Variants in FSTL4 observed in about 807,000 individuals in gnomAD.
The protein encoded by FSTL4 is follistatin-related protein 4.
FSTL4 carries 28 observed loss-of-function variants against 78.2 expected under a neutral mutation model. The ratio of observed to expected loss-of-function variants is 0.36; its 90% CI spans 0.27 to 0.49. FSTL4 has a LOEUF of 0.49. Ranked by LOEUF, FSTL4 falls within the 20% of genes least tolerant of loss-of-function variation. FSTL4 has a pLI of 0.98. For synonymous variants in FSTL4, 422 were observed against 440.5 expected (o/e 0.96, Z 0.53); for missense variants, 922 against 1,084.9 (o/e 0.85, Z 2.11).
chr5:133,564,164 T>C (rs1759978364), intron 3 of FSTL4, among the ~76,000 whole-genome samples: 1 of 152,170 alleles, frequency 6.6e-6, no homozygotes, highest in Non-Finnish European at 1.5e-5. Context: ...TCCCTTTTCT[T>C]GTAAGGACCT....
At chr5:133,780,259 G>A in the FSTL4 span, among the ~76,000 whole-genome samples, 7 of 152,190 alleles carry the variant, frequency 4.6e-5, no homozygotes, top group Admixed American at 2.0e-4. Flanking sequence ...AGCAGGGGAC[G>A]CAGACACGTG....
chr5:133,302,898 T>C (rs1340518115), intron 6 of FSTL4, among the ~76,000 whole-genome samples: 1 of 152,258 alleles, frequency 6.6e-6, no homozygotes, highest in African/African-American at 2.4e-5. Context: ...TCTTTAATCC[T>C]GGTGACAAAT....
At chr5:133,776,891 T>A in the FSTL4 span, among the ~76,000 whole-genome samples, 1 of 152,022 alleles carries the variant, frequency 6.6e-6, no homozygotes, top group Non-Finnish European at 1.5e-5. Context: ...GTCCGAAAGG[T>A]CCCACTGACT....
At chr5:133,238,379 A>T (rs1051374857) in intron 7 of FSTL4, among the ~76,000 whole-genome samples, 1 of 152,230 alleles carries the variant, frequency 6.6e-6, no homozygotes, top group African/African-American at 2.4e-5. Context: ...TGGCCCCCAG[A>T]ATGCCACTAA....
At chr5:133,519,617 C>T (rs1446842662) in intron 3 of FSTL4, among the ~76,000 whole-genome samples, 1 of 152,226 alleles carries the variant, frequency 6.6e-6, no homozygotes, top group Admixed American at 6.5e-5. Context: ...GGTGCCTGGG[C>T]CCCTTTGGTA....
intron 3 of FSTL4, among the ~76,000 whole-genome samples, chr5:133,409,373 A>G (rs887484991): frequency 7.2e-5 from 11 of 152,164 alleles, no homozygotes; most frequent in South Asian, 2.1e-4. Flanking sequence ...GACAGGTCCT[A>G]TGGTTTCTCC....
the FSTL4 span, among the ~76,000 whole-genome samples, chr5:133,724,960 G>C: frequency 6.6e-6 from 1 of 152,194 alleles, no homozygotes; most frequent in East Asian, 1.9e-4. Flanking sequence ...AGCACCATTT[G>C]TTGAAAAGAC....
intron 6 of FSTL4, among the ~76,000 whole-genome samples, chr5:133,277,579 A>G (rs1434338104): frequency 6.6e-6 from 1 of 152,196 alleles, no homozygotes; most frequent in African/African-American, 2.4e-5. Flanking sequence ...ATCTTTACAG[A>G]GGAAAGAATG....
At chr5:133,541,961 T>C (rs13177830) in intron 3 of FSTL4, among the ~76,000 whole-genome samples, 1,437 of 98,836 alleles carry the variant, frequency 0.015, 14 homozygotes, top group Middle Eastern at 0.062. Context: ...CTCTTAACTT[T>C]AAGCAATACT....
the FSTL4 span, among the ~76,000 whole-genome samples, chr5:133,661,093 C>T: frequency 1.2e-4 from 19 of 152,172 alleles, no homozygotes; most frequent in African/African-American, 4.3e-4. Flanking sequence ...TGGGTTCAAG[C>T]GATTCTCCTG....
intron 7 of FSTL4, among the ~76,000 whole-genome samples, chr5:133,234,402 G>A (rs937898673): frequency 3.3e-5 from 5 of 152,182 alleles, no homozygotes; most frequent in South Asian, 2.1e-4. Flanking sequence ...GGAGGGATGG[G>A]CAGGAGGGGC....
the FSTL4 span, among the ~76,000 whole-genome samples, chr5:133,738,881 C>T: frequency 1.3e-4 from 20 of 152,224 alleles, no homozygotes; most frequent in African/African-American, 4.8e-4. Flanking sequence ...AGGCTGGGGC[C>T]CCACAGACCT....
At chr5:133,229,712 T>C (rs1293187929) in intron 8 of FSTL4, among the ~76,000 whole-genome samples, 1 of 152,210 alleles carries the variant, frequency 6.6e-6, no homozygotes, top group Non-Finnish European at 1.5e-5. Flanking sequence ...GAGGAAGAGC[T>C]GAGGGCGTTC....
At chr5:133,384,054 A>G (rs538975822) in intron 4 of FSTL4, among the ~76,000 whole-genome samples, 8 of 152,354 alleles carry the variant, frequency 5.3e-5, no homozygotes, top group Non-Finnish European at 1.0e-4. Flanking sequence ...GACTGCTGGG[A>G]AAAATGTGAT....
chr5:133,324,923 C>T (rs1465772300), intron 4 of FSTL4, among the ~76,000 whole-genome samples: 1 of 152,276 alleles, frequency 6.6e-6, no homozygotes, highest in African/African-American at 2.4e-5. Context: ...GACCTCCATA[C>T]CTCACCCAGT....
At chr5:133,604,851 G>A (rs1470974869) in intron 1 of FSTL4, among the ~76,000 whole-genome samples, 1 of 147,862 alleles carries the variant, frequency 6.8e-6, no homozygotes, top group Non-Finnish European at 1.5e-5. Context: ...ATTTTTTGTG[G>A]CAGAATCCAA....
intron 3 of FSTL4, among the ~76,000 whole-genome samples, chr5:133,408,442 G>C (rs1756410667): frequency 6.6e-6 from 1 of 152,132 alleles, no homozygotes; most frequent in African/African-American, 2.4e-5. Flanking sequence ...GACTTACTGA[G>C]ACAGAGAGAA....
chr5:133,825,678 G>A, the FSTL4 span, among the ~76,000 whole-genome samples: 7 of 152,338 alleles, frequency 4.6e-5, no homozygotes, highest in East Asian at 1.9e-4. Flanking sequence ...CATCAAAGCC[G>A]TTCCCCTGGC....
chr5:133,213,261 C>T (rs1284379568), intron 13 of FSTL4, among the ~76,000 whole-genome samples: 2 of 152,306 alleles, frequency 1.3e-5, no homozygotes, highest in Admixed American at 6.5e-5. Flanking sequence ...CCCTGGCCTC[C>T]CAGAGTGCTG....
Sources: allele counts gnomAD v4.1 joint callset (sites outside exome capture counted in the v4.1 genomes callset), GRCh38; gene constraint gnomAD v4.1.1; transcripts MANE v1.5; gene names NCBI Gene and HGNC (gene_info 2026-07-23, HGNC 2026-07-21).